Variants in EPHA5 observed in about 807,000 individuals in gnomAD.
The protein encoded by EPHA5 is EPH receptor A5, also known as ephrin type-A receptor 5.
A neutral mutation model predicts 105.0 loss-of-function variants in EPHA5; 60 were observed. The ratio of observed to expected loss-of-function variants is 0.57; its 90% CI spans 0.46 to 0.71. The LOEUF (loss-of-function observed/expected upper bound fraction) is 0.71. EPHA5 is among the 30% of genes least tolerant of loss of function. The probability of loss-of-function intolerance (pLI) is 0.00; values close to 1 mark genes in which losing one functional copy is unlikely to be tolerated. For missense variants in EPHA5, 1,218 were observed against 1,274.7 expected (o/e 0.96, Z 0.68); for synonymous variants, 513 against 449.1 (o/e 1.14, Z -1.80).
Position 65,490,666 on chromosome 4 carries a change from A to C in EPHA5, c.1113T>G (p.Thr371=). Residue 371 remains threonine (T), a synonymous_variant, in exon 5 of 17, where the codon ACT becomes ACG. Transcript: ENST00000613740. ...PRNAISNVNE[T]SVFLEWIPPA... is the part of the protein sequence containing the mutation. Reference sequence around the variant, plus strand: ...GCGGAATCCATTCCAGAAAGACACTAGTTTCATTAACATTTGAGATGGCAT... The same window carrying C: ...GCGGAATCCATTCCAGAAAGACACTCGTTTCATTAACATTTGAGATGGCAT... 1 of 1,614,174 alleles carries C rather than the reference A, an allele frequency of 6.2e-7. No homozygotes were observed. The highest frequency in any genetic ancestry group is 1.7e-5 in the Admixed American group (1 of 60,022).
At chr4:65,382,360 A>G (rs1053042195) in intron 8 of EPHA5, among the ~76,000 whole-genome samples, 19 of 151,534 alleles carry the variant, frequency 1.3e-4, no homozygotes, top group Admixed American at 2.6e-4. Flanking sequence ...TGGGCCAGAG[A>G]TCATTATAAA....
chr4:65,440,131 G>T (rs1395027698), intron 5 of EPHA5, among the ~76,000 whole-genome samples: 1 of 151,760 alleles, frequency 6.6e-6, no homozygotes, highest in African/African-American at 2.4e-5. Flanking sequence ...AGACTTGTTT[G>T]CCTTTTAATA....
intron 3 of EPHA5, among the ~76,000 whole-genome samples, chr4:65,593,452 T>C (rs1433490782): frequency 1.3e-5 from 2 of 152,078 alleles, no homozygotes; most frequent in Non-Finnish European, 2.9e-5. Flanking sequence ...ACTGCAAGAG[T>C]GCTTTCTTTC....
intron 8 of EPHA5, among the ~76,000 whole-genome samples, chr4:65,378,121 T>C (rs2148922845): frequency 6.6e-6 from 1 of 152,068 alleles, no homozygotes; most frequent in Non-Finnish European, 1.5e-5. Flanking sequence ...AATGGATCTT[T>C]TCAAAGAAAA....
rs893605913 is a variant in EPHA5 at position 65,352,974 on chromosome 4, A to T, written c.2235+68T>A. 3.7e-6 allele frequency: 4 copies of T among 1,090,832 alleles called. No individual in the cohort carries two copies. The East Asian group carries it at 1.2e-4, about 34-fold the overall frequency. 67.6% of individuals were successfully genotyped at this position (1,090,832 alleles called of 1,614,324 possible). A position where few individuals can be genotyped will look rare whatever the true frequency, so the allele number is the denominator to read the frequency against. On this transcript the variant is annotated intron_variant, in intron 12 of 16. Coordinates refer to ENST00000613740, the MANE Select transcript of EPHA5 (RefSeq NM_001281766.3). ...AATTCAACTTCAACATCACAGCATC[A>T]TCATCACAGCACAACATCACAATAT...
At chr4:65,479,210 T>C (rs945173465) in intron 5 of EPHA5, among the ~76,000 whole-genome samples, 1 of 152,214 alleles carries the variant, frequency 6.6e-6, no homozygotes, top group African/African-American at 2.4e-5. Flanking sequence ...CATTTGATTG[T>C]TGTAATCATT....
intron 3 of EPHA5, among the ~76,000 whole-genome samples, chr4:65,591,604 A>ATT (rs1057241665): frequency 6.9e-6 from 1 of 145,770 alleles, no homozygotes; most frequent in African/African-American, 2.6e-5. Flanking sequence ...TTTTAATTTT[A>ATT]TTTTTTTTAA....
chr4:65,635,984 G>A (rs1317978199), intron 2 of EPHA5, among the ~76,000 whole-genome samples: 1 of 152,058 alleles, frequency 6.6e-6, no homozygotes, highest in Non-Finnish European at 1.5e-5. Context: ...ATTCCGCCAA[G>A]TAATTTGATC....
At chr4:65,397,043 C>G (rs958135428) in intron 8 of EPHA5, among the ~76,000 whole-genome samples, 1 of 152,202 alleles carries the variant, frequency 6.6e-6, no homozygotes, top group African/African-American at 2.4e-5. Flanking sequence ...CAAGCTGTGG[C>G]ACTTTAGGAA....
At chr4:65,454,055 C>A (rs1233169060) in intron 5 of EPHA5, among the ~76,000 whole-genome samples, 3 of 151,998 alleles carry the variant, frequency 2.0e-5, no homozygotes, top group African/African-American at 4.8e-5. Context: ...CCAAGGCGGG[C>A]GGATCACCTG....
At chr4:65,409,921 A>G (rs1280017599) in intron 7 of EPHA5, among the ~76,000 whole-genome samples, 4 of 152,222 alleles carry the variant, frequency 2.6e-5, no homozygotes, top group Admixed American at 1.3e-4. Flanking sequence ...AAATGCTGAC[A>G]AGGATGTAAA....
intron 3 of EPHA5, among the ~76,000 whole-genome samples, chr4:65,535,278 A>C (rs1336588530): frequency 6.6e-6 from 1 of 152,136 alleles, no homozygotes; most frequent in Non-Finnish European, 1.5e-5. Flanking sequence ...GTCATGATTA[A>C]CGATCCCCAT....
intron 5 of EPHA5, among the ~76,000 whole-genome samples, chr4:65,459,552 C>A (rs934618975): frequency 6.6e-6 from 1 of 151,738 alleles, no homozygotes; most frequent in Non-Finnish European, 1.5e-5. Flanking sequence ...TGAACTGTAA[C>A]TTGACATACA....
chr4:65,523,415 G>T (rs1734946949), intron 3 of EPHA5, among the ~76,000 whole-genome samples: 1 of 151,940 alleles, frequency 6.6e-6, no homozygotes, highest in Non-Finnish European at 1.5e-5. Context: ...ATGTAATGAA[G>T]AGAATCTGGT....
chr4:65,382,023 T>A (rs1719610520), intron 8 of EPHA5, among the ~76,000 whole-genome samples: 1 of 151,976 alleles, frequency 6.6e-6, no homozygotes, highest in Middle Eastern at 3.4e-3. Flanking sequence ...ATGACTGAGG[T>A]GCACCTTAAA....
chr4:65,545,565 C>T (rs1737292232), intron 3 of EPHA5, among the ~76,000 whole-genome samples: 1 of 151,676 alleles, frequency 6.6e-6, no homozygotes, highest in Non-Finnish European at 1.5e-5. Flanking sequence ...ACTACTAGTA[C>T]AATGAATTGA....
At chr4:65,445,400 C>T (rs1476406966) in intron 5 of EPHA5, among the ~76,000 whole-genome samples, 1 of 151,728 alleles carries the variant, frequency 6.6e-6, no homozygotes, top group Non-Finnish European at 1.5e-5. Flanking sequence ...CATTGATAAT[C>T]ACAGATGAAA....
At chr4:65,632,019 G>A (rs954787740) in intron 2 of EPHA5, among the ~76,000 whole-genome samples, 3 of 151,768 alleles carry the variant, frequency 2.0e-5, no homozygotes, top group Admixed American at 1.3e-4. Flanking sequence ...CCTCAATATG[G>A]GTCAGGTATT....
At chr4:65,336,160 C>G (rs1721163834) in intron 14 of EPHA5, 35 bp from the exon 15 acceptor site, 1 of 1,537,162 alleles carries the variant, frequency 6.5e-7, no homozygotes, top group South Asian at 1.2e-5. Context: ...CACCCCAACA[C>G]CACAAATTTA....
Sources: allele counts gnomAD v4.1 joint callset (sites outside exome capture counted in the v4.1 genomes callset), GRCh38; gene constraint gnomAD v4.1.1; transcripts MANE v1.5; gene names NCBI Gene and HGNC (gene_info 2026-07-23, HGNC 2026-07-21).